The following CDK5RAP2 variants were observed in gnomAD, a reference collection of about 807,000 sequenced individuals.
CDK5RAP2 encodes CDK5 regulatory subunit associated protein 2.
A neutral mutation model predicts 232.9 loss-of-function variants in CDK5RAP2; 147 were observed. That is an observed-to-expected ratio of 0.63 (90% CI 0.55 to 0.72). The LOEUF (loss-of-function observed/expected upper bound fraction) is 0.72. Among genes scored for constraint, CDK5RAP2 ranks in the 30% least tolerant of loss-of-function variants. The probability of loss-of-function intolerance (pLI) is 0.00; values close to 1 mark genes in which losing one functional copy is unlikely to be tolerated. For synonymous variants in CDK5RAP2, 833 were observed against 833.7 expected, an observed-to-expected ratio of 1.00 and a Z score of 0.01; for missense variants, 2,195 against 2,231.5, an observed-to-expected ratio of 0.98 and a Z score of 0.33.
chr9:120,494,091 A>T (rs997102465), intron 12 of CDK5RAP2, among the ~76,000 whole-genome samples: 1 of 129,668 alleles, frequency 7.7e-6, no homozygotes, highest in Non-Finnish European at 1.6e-5. Context: ...GACTCAGTTT[A>T]AAAAAAAAAA....
At chr9:120,457,118 G>C (rs558887005) in intron 20 of CDK5RAP2, among the ~76,000 whole-genome samples, 4 of 152,318 alleles carry the variant, frequency 2.6e-5, no homozygotes, top group Admixed American at 2.6e-4. Flanking sequence ...AAGACTGTGA[G>C]AGGGGGATTT....
At chr9:120,542,495 CAAA>C (rs369756744) in intron 5 of CDK5RAP2, among the ~76,000 whole-genome samples, 5 of 93,398 alleles carry the variant, frequency 5.4e-5, no homozygotes, top group Non-Finnish European at 6.5e-5. Context: ...GACTCCATCT[CAAA>C]AAAAAAAAAA....
chr9:120,443,750 C>G lies in CDK5RAP2; in HGVS notation c.3026-8G>C. On this transcript the variant is annotated splice_polypyrimidine_tract_variant and splice_region_variant and intron_variant, in intron 22 of 37. Coordinates refer to ENST00000349780, the MANE Select transcript of CDK5RAP2 (RefSeq NM_018249.6). ...CTCCCACAGGGGGCTGAGCTACAGG[C>G]AATCACAAAGAGAAAGAAAAATAAA... 6.2e-7 allele frequency: 1 copy of G among 1,613,728 alleles called. No homozygotes were observed. Among genetic ancestry groups the G allele is most frequent in the East Asian group, 2.2e-5 (1 of 44,870 alleles).
At chr9:120,508,560 G>A (rs764720159) in intron 12 of CDK5RAP2, among the ~76,000 whole-genome samples, 12 of 152,212 alleles carry the variant, frequency 7.9e-5, no homozygotes, top group Non-Finnish European at 1.8e-4. Context: ...AGGGCTTGAT[G>A]TAGCTTTCAC....
intron 10 of CDK5RAP2, among the ~76,000 whole-genome samples, chr9:120,525,572 C>T (rs749765082): frequency 1.3e-5 from 2 of 152,016 alleles, no homozygotes; most frequent in African/African-American, 2.4e-5. Context: ...TGAAGGGCTC[C>T]GATCTCGGTT....
At chr9:120,528,604 C>T in intron 9 of CDK5RAP2, 140 bp downstream of exon 9, 1 of 699,238 alleles carries the variant, frequency 1.4e-6, no homozygotes. Flanking sequence ...TTCTAGAGTA[C>T]CTTATGCTTG....
intron 20 of CDK5RAP2, among the ~76,000 whole-genome samples, chr9:120,455,548 C>T (rs1389615929): frequency 6.6e-6 from 1 of 151,930 alleles, no homozygotes; most frequent in Admixed American, 6.5e-5. Context: ...CGAGACCAGA[C>T]TGGGCAACAT....
intron 27 of CDK5RAP2, among the ~76,000 whole-genome samples, chr9:120,418,571 G>C (rs1261753695): frequency 6.6e-6 from 1 of 152,156 alleles, no homozygotes; most frequent in Non-Finnish European, 1.5e-5. Context: ...GTGGCACTAG[G>C]GACAGGGAAA....
At chr9:120,447,194 T>G (rs573570452) in intron 22 of CDK5RAP2, among the ~76,000 whole-genome samples, 3 of 152,332 alleles carry the variant, frequency 2.0e-5, no homozygotes, top group South Asian at 2.1e-4. Context: ...TTGTGGATCA[T>G]GAGCCCTGAG....
At chr9:120,408,257 TG>T (rs1316323915) in intron 31 of CDK5RAP2, 89 bp downstream of exon 31, 1 of 1,485,694 alleles carries the variant, frequency 6.7e-7, no homozygotes, top group Non-Finnish European at 9.3e-7. Flanking sequence ...TGGAGAGGGC[TG>T]AGCTCTGCCC....
At chr9:120,495,028 T>C (rs2039109249) in intron 12 of CDK5RAP2, among the ~76,000 whole-genome samples, 1 of 116,852 alleles carries the variant, frequency 8.6e-6, no homozygotes, top group Non-Finnish European at 1.7e-5. Flanking sequence ...TCTCAGTCTT[T>C]GCCGCCGCGC....
chr9:120,448,998 T>C (rs2036347028), intron 21 of CDK5RAP2, among the ~76,000 whole-genome samples: 2 of 152,148 alleles, frequency 1.3e-5, no homozygotes, highest in Non-Finnish European at 2.9e-5. Context: ...ACAAACCTAC[T>C]ACTCCTCTCT....
chr9:120,492,991 C>T (rs544701127), intron 12 of CDK5RAP2, among the ~76,000 whole-genome samples: 209 of 152,320 alleles, frequency 1.4e-3, no homozygotes, highest in African/African-American at 4.9e-3. Flanking sequence ...AGTCTCTAAA[C>T]GCCTTTTCCT....
intron 22 of CDK5RAP2, among the ~76,000 whole-genome samples, chr9:120,444,903 A>T (rs903857564): frequency 1.3e-5 from 2 of 152,198 alleles, no homozygotes; most frequent in African/African-American, 2.4e-5. Context: ...GAGAGAACCC[A>T]ATTAGATCAT....
chr9:120,549,141 C>T (rs1588630379), intron 4 of CDK5RAP2, among the ~76,000 whole-genome samples: 2 of 130,254 alleles, frequency 1.5e-5, no homozygotes, highest in Admixed American at 8.4e-5. Flanking sequence ...GGGCAACAGA[C>T]GGAGACTCTG....
intron 25 of CDK5RAP2, among the ~76,000 whole-genome samples, chr9:120,425,210 G>A (rs920010848): frequency 3.9e-5 from 6 of 152,118 alleles, no homozygotes; most frequent in African/African-American, 1.4e-4. Flanking sequence ...GACCCTCGAG[G>A]AGCTTGCAAC....
rs561037876 is a variant in CDK5RAP2 at position 120,402,940 on chromosome 9, G to A, written c.5173C>T (p.Arg1725Cys). Reference protein sequence around the residue: ...GHHLWASKNGRHVLGLIEDYE... With the variant: ...GHHLWASKNGCHVLGLIEDYE... ...TCCTCAATCAGGCCCAGGACATGGC[G>A]GCCATTCTTGCTGGCCCACAGGTGG... is the stretch of plus-strand genomic sequence containing the variant. Residue 1725 changes from arginine to cysteine, a missense_variant, in exon 34 of 38, where the codon CGC (arginine) becomes TGC (cysteine). By Grantham distance (180) the Arg-to-Cys change is radical. Coordinates refer to ENST00000349780, the MANE Select transcript of CDK5RAP2 (RefSeq NM_018249.6). The A allele has an allele frequency of 1.5e-5, 25 of 1,614,150 alleles. No homozygotes were observed. The highest frequency in any genetic ancestry group is 1.6e-4 in the Middle Eastern group (1 of 6,062).
chr9:120,452,600 A>C (rs1053884764), intron 21 of CDK5RAP2, among the ~76,000 whole-genome samples: 3 of 151,712 alleles, frequency 2.0e-5, no homozygotes, highest in Admixed American at 2.0e-4. Context: ...GGGGGGGTCA[A>C]GCCGTGACCT....
At chr9:120,484,640 C>A (rs1172242899) in intron 14 of CDK5RAP2, among the ~76,000 whole-genome samples, 1 of 152,148 alleles carries the variant, frequency 6.6e-6, no homozygotes, top group Non-Finnish European at 1.5e-5. Flanking sequence ...GGGAGAATCA[C>A]TTGAACCCAG....
Sources: allele counts gnomAD v4.1 joint callset (sites outside exome capture counted in the v4.1 genomes callset), GRCh38; gene constraint gnomAD v4.1.1; transcripts MANE v1.5; gene names NCBI Gene and HGNC (gene_info 2026-07-23, HGNC 2026-07-21).